The following NFIB variants were observed in gnomAD, a reference collection of about 807,000 sequenced individuals.
NFIB encodes nuclear factor I B.
A neutral mutation model predicts 61.5 loss-of-function variants in NFIB; 11 were observed. That is an observed-to-expected ratio of 0.18 (90% confidence interval 0.11 to 0.30). The LOEUF is 0.30. NFIB is among the 10% of genes least tolerant of loss of function. The probability of loss-of-function intolerance (pLI) is 1.00; values close to 1 mark genes in which losing one functional copy is unlikely to be tolerated. For synonymous variants in NFIB, 260 were observed against 216.5 expected, an observed-to-expected ratio of 1.20 and a Z score of -1.76; for missense variants, 471 against 608.9, an observed-to-expected ratio of 0.77 and a Z score of 2.38.
chr9:14,264,307 A>G (rs1013355737), intron 2 of NFIB, among the ~76,000 whole-genome samples: 9 of 152,094 alleles, frequency 5.9e-5, no homozygotes, highest in African/African-American at 2.2e-4. Flanking sequence ...GCCTTACTTC[A>G]CCTGCCCAGT....
Position 14,150,248 on chromosome 9 carries a change from T to C in NFIB, c.703A>G (p.Thr235Ala), listed in dbSNP as rs747128572. The change falls in exon 5 of 11, where the codon ACT (threonine) becomes GCT (alanine). Residue 235 changes from threonine to alanine, a missense_variant. Thr to Ala is a moderately conservative substitution (Grantham distance 58). Around this residue, in one of 2 missense-constraint regions of NFIB, gnomAD observed 372 missense variants for 395.6 expected, o/e 0.94. Transcript: ENST00000380953. The stretch of plus-strand genomic sequence containing the variant: ...TCTCCAATTGGGAAGTTGACTCCAG[T>C]TCCCTGGGTTATGGGCGCTGAGGAA... ...RVSRTPITQG[T>A]GVNFPIGEIP... 10 of 1,613,338 alleles carry C rather than the reference T, an allele frequency of 6.2e-6. No individual in the cohort carries two copies. The highest frequency in any genetic ancestry group is 2.2e-5 in the East Asian group (1 of 44,872).
chr9:14,440,385 T>A, the NFIB span, among the ~76,000 whole-genome samples: 1 of 152,226 alleles, frequency 6.6e-6, no homozygotes, highest in East Asian at 1.9e-4. Flanking sequence ...GGCTCTTTAA[T>A]TGGCCTATTT....
chr9:14,231,131 AAAAAATATATAT>A lies in NFIB; in HGVS notation c.563-51363_563-51352del, dbSNP rs1476315575. Among the ~76,000 whole-genome samples, 1,076 of 75,392 alleles carry A rather than the reference AAAAAATATATAT, an allele frequency of 0.014. 100 individuals carry two copies. In the East Asian group the frequency reaches 0.31, roughly 22 times the overall value. 49.5% of individuals were successfully genotyped at this position (75,392 alleles called of 152,430 possible). The stretch of plus-strand genomic sequence containing the variant: ...AGTTTTTCCATGGGGAAAAAAAAAA[AAAAAATATATAT>A]ATATATATATATATATATATATATT... On this transcript the variant is annotated intron_variant, in intron 2 of 10. Coordinates refer to ENST00000380953, the MANE Select transcript of NFIB (RefSeq NM_001190737.2).
chr9:14,518,356 C>T, the NFIB span, among the ~76,000 whole-genome samples: 1 of 152,174 alleles, frequency 6.6e-6, no homozygotes, highest in Non-Finnish European at 1.5e-5. Flanking sequence ...AACTGAGCTT[C>T]TTTTCCTGCC....
the NFIB span, among the ~76,000 whole-genome samples, chr9:14,433,278 T>G: frequency 2.0e-5 from 3 of 152,328 alleles, no homozygotes; most frequent in Non-Finnish European, 4.4e-5. Context: ...TTAAAAATTT[T>G]TTTGCCATAT....
intron 2 of NFIB, among the ~76,000 whole-genome samples, chr9:14,287,055 G>T (rs898582720): frequency 1.3e-5 from 2 of 152,092 alleles, no homozygotes; most frequent in African/African-American, 4.8e-5. Context: ...AAGTACAGAG[G>T]AACTGAGAAT....
chr9:14,455,848 G>A, the NFIB span, among the ~76,000 whole-genome samples: 1 of 152,160 alleles, frequency 6.6e-6, no homozygotes, highest in African/African-American at 2.4e-5. Context: ...AAAGAATTAT[G>A]AGATATTAAA....
intron 3 of NFIB, among the ~76,000 whole-genome samples, chr9:14,170,300 G>A (rs1321137396): frequency 6.6e-6 from 1 of 152,124 alleles, no homozygotes; most frequent in East Asian, 1.9e-4. Flanking sequence ...TATGGAGAGG[G>A]AAAGAATTTA....
chr9:14,188,348 C>A (rs774514054), intron 2 of NFIB, among the ~76,000 whole-genome samples: 1 of 152,022 alleles, frequency 6.6e-6, no homozygotes, highest in Non-Finnish European at 1.5e-5. Flanking sequence ...AGCAATCTGG[C>A]ATACTTAAAA....
intron 2 of NFIB, among the ~76,000 whole-genome samples, chr9:14,288,871 T>C (rs1203062165): frequency 6.6e-6 from 1 of 152,016 alleles, no homozygotes; most frequent in Non-Finnish European, 1.5e-5. Flanking sequence ...TTCCACTCCA[T>C]AAATGCATTT....
At chr9:14,176,929 T>C (rs2046251828) in intron 3 of NFIB, among the ~76,000 whole-genome samples, 2 of 152,130 alleles carry the variant, frequency 1.3e-5, no homozygotes, top group Admixed American at 6.5e-5. Flanking sequence ...AGGGCTTGAA[T>C]TTTTGCCATC....
chr9:14,493,268 T>C, the NFIB span, among the ~76,000 whole-genome samples: 12 of 152,166 alleles, frequency 7.9e-5, no homozygotes, highest in South Asian at 6.2e-4. Flanking sequence ...ATGATTTTGA[T>C]GTAAAATGTC....
chr9:14,384,469 A>G (rs750733240), intron 1 of NFIB, among the ~76,000 whole-genome samples: 72 of 152,074 alleles, frequency 4.7e-4, no homozygotes, highest in African/African-American at 1.5e-3. Context: ...TCAAAGCCCA[A>G]ATGTCCTGTT....
chr9:14,135,931 T>C (rs2040992300), intron 6 of NFIB, among the ~76,000 whole-genome samples: 1 of 152,180 alleles, frequency 6.6e-6, no homozygotes, highest in Non-Finnish European at 1.5e-5. Flanking sequence ...AGTAAAATCT[T>C]TTCTAATAGT....
At chr9:14,153,124 G>C (rs1315947605) in intron 4 of NFIB, among the ~76,000 whole-genome samples, 2 of 152,098 alleles carry the variant, frequency 1.3e-5, no homozygotes, top group Admixed American at 6.6e-5. Flanking sequence ...CATGGATCCA[G>C]AGATCACATG....
chr9:14,255,992 A>G (rs2056184290), intron 2 of NFIB, among the ~76,000 whole-genome samples: 1 of 152,240 alleles, frequency 6.6e-6, no homozygotes, highest in Non-Finnish European at 1.5e-5. Flanking sequence ...ACCACCTATT[A>G]GCTGTGTGAT....
chr9:14,111,060 T>G (rs1313094673), intron 10 of NFIB, among the ~76,000 whole-genome samples: 1 of 152,124 alleles, frequency 6.6e-6, no homozygotes, highest in African/African-American at 2.4e-5. Context: ...CGTATTCACA[T>G]TGTAAGTGGT....
the NFIB span, among the ~76,000 whole-genome samples, chr9:14,515,102 G>T: frequency 6.6e-6 from 1 of 152,058 alleles, no homozygotes; most frequent in Non-Finnish European, 1.5e-5. Flanking sequence ...AGAATTGGGG[G>T]CTGGGATGGC....
the NFIB span, among the ~76,000 whole-genome samples, chr9:14,478,174 T>G: frequency 6.6e-6 from 1 of 152,174 alleles, no homozygotes; most frequent in African/African-American, 2.4e-5. Context: ...ATTAGTGACT[T>G]TAGTGACGAT....
Sources: allele counts gnomAD v4.1 joint callset (sites outside exome capture counted in the v4.1 genomes callset), GRCh38; gene constraint gnomAD v4.1.1; regional missense constraint gnomAD v4.1.1; transcripts MANE v1.5; gene names NCBI Gene and HGNC (gene_info 2026-07-23, HGNC 2026-07-21).